The following RSF1 variants were observed in gnomAD, a reference collection of about 807,000 sequenced individuals.
RSF1 encodes remodeling and spacing factor 1, also known as HBV pX-associated protein 8.
In RSF1, 13 loss-of-function variants were observed where a neutral mutation model predicts 145.2. The observed-to-expected ratio is 0.09, with a 90% CI of 0.06 to 0.14. RSF1 has a LOEUF of 0.14. RSF1 is among the 10% of genes least tolerant of loss of function. The pLI is 1.00. For synonymous variants in RSF1, 577 were observed against 592.6 expected (o/e 0.97, Z 0.38); for missense variants, 1,517 against 1,718.2 (o/e 0.88, Z 2.07).
At chr11:77,792,203 C>T (rs192768662) in intron 1 of RSF1, among the ~76,000 whole-genome samples, 33 of 152,274 alleles carry the variant, frequency 2.2e-4, no homozygotes, top group African/African-American at 7.5e-4. Context: ...TAGTAACCAT[C>T]AGATCTCATG....
chr11:77,760,356 T>A (rs1254708413), intron 2 of RSF1, among the ~76,000 whole-genome samples: 1 of 152,218 alleles, frequency 6.6e-6, no homozygotes, highest in Non-Finnish European at 1.5e-5. Flanking sequence ...TGATTCCATT[T>A]ATAAGAAATG....
chr11:77,869,026 C>A, the RSF1 span: 1 of 342,490 alleles, frequency 2.9e-6, no homozygotes, highest in Non-Finnish European at 5.5e-6. Context: ...GCCATGGTAA[C>A]ATTTGTGGGA....
intron 1 of RSF1, among the ~76,000 whole-genome samples, chr11:77,810,965 GGA>G (rs1948725206): frequency 6.6e-6 from 1 of 152,130 alleles, no homozygotes; most frequent in Non-Finnish European, 1.5e-5. Flanking sequence ...CACCCAGGCT[GGA>G]GTGCAGTGGC....
intron 2 of RSF1, among the ~76,000 whole-genome samples, chr11:77,752,786 G>A (rs907109121): frequency 6.6e-6 from 1 of 152,068 alleles, no homozygotes; most frequent in Non-Finnish European, 1.5e-5. Flanking sequence ...ATTCCCAGGA[G>A]GTTAAAGCAT....
chr11:77,794,541 G>T (rs1315267936), intron 1 of RSF1, among the ~76,000 whole-genome samples: 1 of 151,182 alleles, frequency 6.6e-6, no homozygotes, highest in Non-Finnish European at 1.5e-5. Flanking sequence ...ATAAATAAAA[G>T]ATTAAAAAAA....
At chr11:77,741,691 T>C (rs1378642966) in intron 3 of RSF1, among the ~76,000 whole-genome samples, 2 of 152,182 alleles carry the variant, frequency 1.3e-5, no homozygotes, top group Non-Finnish European at 2.9e-5. Context: ...TACCTAAGAA[T>C]TTTTGGTGGT....
At chr11:77,869,091 A>G in the RSF1 span, 35 of 279,844 alleles carry the variant, frequency 1.3e-4, no homozygotes, top group African/African-American at 7.0e-4. Flanking sequence ...CACCTGTCTC[A>G]TAGATTCACA....
intron 4 of RSF1, among the ~76,000 whole-genome samples, chr11:77,732,816 T>C (rs957218349): frequency 6.6e-6 from 1 of 152,200 alleles, no homozygotes; most frequent in African/African-American, 2.4e-5. Flanking sequence ...TTGCCCAGTC[T>C]TGGGTATGTC....
At chr11:77,835,190 C>A in the RSF1 span, among the ~76,000 whole-genome samples, 1 of 152,192 alleles carries the variant, frequency 6.6e-6, no homozygotes, top group African/African-American at 2.4e-5. Flanking sequence ...GAAGTATTCT[C>A]TGAAACCTTT....
chr11:77,787,222 C>A (rs1406054430), intron 1 of RSF1, among the ~76,000 whole-genome samples: 1 of 152,102 alleles, frequency 6.6e-6, no homozygotes, highest in Non-Finnish European at 1.5e-5. Flanking sequence ...AAGGCCTGCC[C>A]CCCAACAGCA....
At chr11:77,688,546 A>G (rs1960069086) in intron 9 of RSF1, among the ~76,000 whole-genome samples, 1 of 152,226 alleles carries the variant, frequency 6.6e-6, no homozygotes, top group Non-Finnish European at 1.5e-5. Flanking sequence ...TAGTCCTAGT[A>G]ATTTCATACA....
At chr11:77,821,783 G>T (rs1390871708), upstream of RSF1, among the ~76,000 whole-genome samples, 5 of 152,144 alleles carry the variant, frequency 3.3e-5, no homozygotes, top group African/African-American at 1.2e-4. Context: ...TACCAATAAT[G>T]TAAAATAGAA....
chr11:77,863,342 C>T, the RSF1 span, among the ~76,000 whole-genome samples: 5 of 152,092 alleles, frequency 3.3e-5, no homozygotes, highest in African/African-American at 7.2e-5. Context: ...TCTGTGATGG[C>T]GGCAAAGAGC....
At chr11:77,801,873 A>G (rs990506562) in intron 1 of RSF1, among the ~76,000 whole-genome samples, 1 of 151,928 alleles carries the variant, frequency 6.6e-6, no homozygotes, top group Non-Finnish European at 1.5e-5. Context: ...TTAAAAAAAA[A>G]TCCCTAAACT....
At chr11:77,728,133 T>A (rs1237916105) in intron 4 of RSF1, among the ~76,000 whole-genome samples, 1 of 152,176 alleles carries the variant, frequency 6.6e-6, no homozygotes, top group Non-Finnish European at 1.5e-5. Context: ...TTCAGGTATG[T>A]TAAATCAGAT....
chr11:77,803,046 T>C (rs1268337931), intron 1 of RSF1, among the ~76,000 whole-genome samples: 2 of 152,110 alleles, frequency 1.3e-5, no homozygotes, highest in African/African-American at 4.8e-5. Context: ...TGGGACGGGA[T>C]AGGGGCTAGC....
chr11:77,803,712 A>G (rs1057304506), intron 1 of RSF1, among the ~76,000 whole-genome samples: 1 of 152,022 alleles, frequency 6.6e-6, no homozygotes, highest in Non-Finnish European at 1.5e-5. Context: ...CTGAAGGCGG[A>G]GGTTGCAGTG....
In RSF1 at chr11:77,777,033, G is replaced by C. The variant is rs530122629; in HGVS notation, c.188-12344C>G. ...TTTTAAAAAAACAAACAAAAGGACA[G>C]ACTAGTACAATAAAACCTCATGACC... On this transcript the variant is annotated intron_variant, in intron 1 of 15. Coordinates refer to ENST00000308488, the MANE Select transcript of RSF1 (RefSeq NM_016578.4). 6.6e-5 allele frequency among the ~76,000 whole-genome samples: 10 copies of C among 152,058 alleles called. No homozygotes were observed. The East Asian group carries it at 1.5e-3, about 24-fold the overall frequency.
intron 2 of RSF1, among the ~76,000 whole-genome samples, chr11:77,756,785 T>C (rs796875797): frequency 1.3e-5 from 2 of 152,362 alleles, no homozygotes; most frequent in African/African-American, 4.8e-5. Flanking sequence ...GCAGTAATTA[T>C]TCTGGAGGAC....
Sources: gnomAD v4.1 joint callset for allele counts (sites outside exome capture counted in the v4.1 genomes callset) on GRCh38, gnomAD v4.1.1 for gene constraint, MANE v1.5 for transcripts, NCBI Gene and HGNC (gene_info 2026-07-23, HGNC 2026-07-21) for gene names.